Variants in PLCG2 observed in about 807,000 individuals in gnomAD.
PLCG2 encodes phospholipase C gamma 2.
PLCG2 carries 69 observed loss-of-function variants against 175.6 expected under a neutral mutation model. The ratio of observed to expected loss-of-function variants is 0.39; its 90% confidence interval spans 0.32 to 0.48. The LOEUF (loss-of-function observed/expected upper bound fraction) is 0.48. Ranked by LOEUF, PLCG2 falls within the 20% of genes least tolerant of loss-of-function variation. PLCG2 has a pLI of 0.91. For synonymous variants in PLCG2, 827 were observed against 624.0 expected, an observed-to-expected ratio of 1.33 and a Z score of -4.85; for missense variants, 1,798 against 1,650.9, an observed-to-expected ratio of 1.09 and a Z score of -1.54.
At chr16:81,780,665 C>T (rs1910688580) in intron 1 of PLCG2, among the ~76,000 whole-genome samples, 1 of 152,190 alleles carries the variant, frequency 6.6e-6, no homozygotes, top group African/African-American at 2.4e-5. Context: ...AAAGCACAGA[C>T]CCCATGAATA....
intron 5 of PLCG2, among the ~76,000 whole-genome samples, chr16:81,865,176 C>T (rs1166823179): frequency 1.3e-5 from 2 of 152,134 alleles, no homozygotes; most frequent in African/African-American, 4.8e-5. Context: ...GCCTTTGTTC[C>T]CTTGCGTGGA....
intron 3 of PLCG2, among the ~76,000 whole-genome samples, 194 bp downstream of exon 3, chr16:81,854,781 G>T (rs950378085): frequency 2.0e-5 from 3 of 152,170 alleles, no homozygotes; most frequent in African/African-American, 7.2e-5. Context: ...GCTGCAGTTT[G>T]CTCAGCTGTG....
chr16:81,940,204 GTA>G, intron 30 of PLCG2, 145 bp downstream of exon 30: 4 of 674,002 alleles, frequency 5.9e-6, no homozygotes, highest in African/African-American at 1.8e-5. Flanking sequence ...GAGAGCAGGT[GTA>G]CAGCCTGTCG....
At chr16:81,956,929 G>C in intron 32 of PLCG2, 50 bp downstream of exon 32, 2 of 1,471,710 alleles carry the variant, frequency 1.4e-6, no homozygotes, top group African/African-American at 1.4e-5. Flanking sequence ...CTCTAGGCAC[G>C]GTGATGATGG....
chr16:81,849,302 C>T (rs993739018), intron 2 of PLCG2, among the ~76,000 whole-genome samples: 2 of 152,110 alleles, frequency 1.3e-5, no homozygotes, highest in African/African-American at 4.8e-5. Context: ...TGGTGTTGGC[C>T]ATGGAAATGG....
Position 81,960,337 on chromosome 16 carries a change from CA to C in PLCG2, c.*2341del, listed in dbSNP as rs1911736871. 1 of 219,254 alleles carries C rather than the reference CA, an allele frequency of 4.6e-6. No homozygotes were observed. Among genetic ancestry groups the C allele is most frequent in the South Asian group, 1.9e-4 (1 of 5,370 alleles). 13.6% of individuals were successfully genotyped at this position (219,254 alleles called of 1,614,324 possible). Reference sequence around the variant, plus strand: ...TCCTACATGACTGTTAAAGCACAGCCAATCCAGGCCAAGAAGACTAGTAACA... The same window carrying C: ...TCCTACATGACTGTTAAAGCACAGCCATCCAGGCCAAGAAGACTAGTAACA... On this transcript the variant is annotated 3_prime_UTR_variant, in exon 33 of 33. Transcript: ENST00000564138.
intron 2 of PLCG2, among the ~76,000 whole-genome samples, chr16:81,768,689 C>A (rs532110132): frequency 4.0e-5 from 6 of 150,436 alleles, no homozygotes; most frequent in African/African-American, 1.2e-4. Flanking sequence ...CCTCAGCCTT[C>A]CGAGTAGCTG....
At chr16:81,836,600 G>A (rs1567490319) in intron 2 of PLCG2, among the ~76,000 whole-genome samples, 1 of 152,162 alleles carries the variant, frequency 6.6e-6, no homozygotes, top group Non-Finnish European at 1.5e-5. Flanking sequence ...AGTTAGCCGG[G>A]CATGATGGCA....
chr16:81,887,945 G>A (rs918544176), intron 9 of PLCG2, among the ~76,000 whole-genome samples: 2 of 152,150 alleles, frequency 1.3e-5, no homozygotes, highest in African/African-American at 2.4e-5. Flanking sequence ...TATTTCAGAC[G>A]TTATCAGTGT....
intron 30 of PLCG2, among the ~76,000 whole-genome samples, chr16:81,943,016 G>A (rs1175524102): frequency 6.6e-6 from 1 of 152,118 alleles, no homozygotes; most frequent in African/African-American, 2.4e-5. Flanking sequence ...CTGGTCATGA[G>A]GGCAGAGCTC....
intron 7 of PLCG2, among the ~76,000 whole-genome samples, chr16:81,875,764 T>G (rs1329823125): frequency 1.3e-5 from 2 of 152,118 alleles, no homozygotes; most frequent in South Asian, 2.1e-4. Context: ...TTGCAAAAAA[T>G]CAAAAAGAAA....
intron 31 of PLCG2, among the ~76,000 whole-genome samples, chr16:81,952,894 G>A (rs1911422827): frequency 1.3e-5 from 2 of 152,110 alleles, no homozygotes; most frequent in African/African-American, 4.8e-5. Context: ...CAATTAGAAA[G>A]ACAAAAATAG....
chr16:81,923,827 T>C (rs1250607066), intron 22 of PLCG2, among the ~76,000 whole-genome samples: 3 of 152,216 alleles, frequency 2.0e-5, no homozygotes, highest in Non-Finnish European at 2.9e-5. Context: ...TTGTATATTA[T>C]TATAATTACA....
At chr16:81,835,558 G>A (rs972775187) in intron 2 of PLCG2, among the ~76,000 whole-genome samples, 1 of 151,848 alleles carries the variant, frequency 6.6e-6, no homozygotes, top group Non-Finnish European at 1.5e-5. Context: ...TAGCCTGGGC[G>A]ACAGAGCAAG....
intron 7 of PLCG2, among the ~76,000 whole-genome samples, chr16:81,872,688 C>T (rs759827359): frequency 2.6e-5 from 4 of 152,162 alleles, no homozygotes; most frequent in South Asian, 2.1e-4. Flanking sequence ...CAAAAGAGTT[C>T]CCAGAGAAAG....
intron 18 of PLCG2, 40 bp downstream of exon 18, chr16:81,910,760 G>A (rs544948246): frequency 1.7e-5 from 27 of 1,569,782 alleles, no homozygotes; most frequent in African/African-American, 1.1e-4. Flanking sequence ...GGCGGTGGTC[G>A]GGTTAGCTCC....
intron 2 of PLCG2, among the ~76,000 whole-genome samples, chr16:81,792,107 A>G (rs1178342729): frequency 6.6e-6 from 1 of 152,138 alleles, no homozygotes; most frequent in Non-Finnish European, 1.5e-5. Context: ...CTCCCACATG[A>G]GCATGTCGAC....
At chr16:81,801,521 GT>G (rs1354609825) in intron 2 of PLCG2, among the ~76,000 whole-genome samples, 1 of 152,242 alleles carries the variant, frequency 6.6e-6, no homozygotes, top group East Asian at 1.9e-4. Flanking sequence ...AGATTGATCT[GT>G]CCTGTCAATG....
chr16:81,939,376 G>C (rs1020774483), intron 29 of PLCG2, among the ~76,000 whole-genome samples: 2 of 152,212 alleles, frequency 1.3e-5, no homozygotes, highest in African/African-American at 4.8e-5. Context: ...ACCGTGATTG[G>C]TGGGCCTTCT....
Sources: gnomAD v4.1 joint callset for allele counts (sites outside exome capture counted in the v4.1 genomes callset) on GRCh38, gnomAD v4.1.1 for gene constraint, MANE v1.5 for transcripts, NCBI Gene and HGNC (gene_info 2026-07-23, HGNC 2026-07-21) for gene names.